Variants in EYS observed in about 807,000 individuals in gnomAD.
EYS encodes the protein EGF-like photoreceptor maintenance factor.
Under a neutral mutation model 282.1 loss-of-function variants are expected in EYS, and 250 were observed. The ratio of observed to expected loss-of-function variants is 0.89; its 90% CI spans 0.80 to 0.98. The LOEUF (loss-of-function observed/expected upper bound fraction) is 0.98. Ranked by LOEUF, EYS falls within the 50% of genes least tolerant of loss-of-function variation. The pLI, the probability that EYS is intolerant of heterozygous loss-of-function variation, is 0.00. For missense variants in EYS, 4,016 were observed against 3,709.0 expected, an observed-to-expected ratio of 1.08 and a Z score of -2.15; for synonymous variants, 1,355 against 1,282.9, an observed-to-expected ratio of 1.06 and a Z score of -1.20.
intron 9 of EYS, among the ~76,000 whole-genome samples, chr6:65,350,560 G>A (rs1182726316): frequency 6.6e-6 from 1 of 151,594 alleles, no homozygotes; most frequent in Non-Finnish European, 1.5e-5. Flanking sequence ...CATGCTTCAA[G>A]AAGAAAGAGA....
At chr6:63,759,976 T>C (rs1234275287) in intron 41 of EYS, among the ~76,000 whole-genome samples, 1 of 152,054 alleles carries the variant, frequency 6.6e-6, no homozygotes, top group Non-Finnish European at 1.5e-5. Flanking sequence ...GAAAAATGTT[T>C]AAGTAGTTTG....
At chr6:63,786,221 A>G (rs1770356854) in intron 39 of EYS, 1 of 151,560 alleles carries the variant, frequency 6.6e-6, no homozygotes, top group Admixed American at 6.6e-5. Context: ...AAAAAAAAAA[A>G]AAGGTAAAGT....
intron 30 of EYS, among the ~76,000 whole-genome samples, chr6:64,244,828 T>A (rs1480889365): frequency 6.6e-6 from 1 of 152,244 alleles, no homozygotes; most frequent in Non-Finnish European, 1.5e-5. Flanking sequence ...TTATTTTCTA[T>A]CTTTTTTTAA....
chr6:64,444,170 C>G (rs139759885), intron 26 of EYS, among the ~76,000 whole-genome samples: 67 of 152,222 alleles, frequency 4.4e-4, no homozygotes, highest in African/African-American at 1.6e-3. Context: ...TGATTTGCCT[C>G]TTTCTGACTT....
chr6:65,691,955 A>G (rs1562331620), intron 1 of EYS, among the ~76,000 whole-genome samples: 1 of 150,280 alleles, frequency 6.7e-6, no homozygotes, highest in Non-Finnish European at 1.5e-5. Context: ...TTTTGGCACC[A>G]GTACAAGTTA....
At position 63,847,139 on chromosome 6, in the gene EYS, T is replaced by G. The variant is rs1201452259; in HGVS notation, c.7228+17047A>C. Among the ~76,000 whole-genome samples the G allele has an allele frequency of 2.6e-5, 4 of 152,174 alleles. No homozygotes were observed. In the East Asian group the frequency reaches 7.7e-4, roughly 29 times the overall value. On this transcript the variant is annotated intron_variant, in intron 36 of 42. Coordinates refer to ENST00000503581, the MANE Select transcript of EYS (RefSeq NM_001142800.2). ...TGAAGTTCATGTTCAGATTCAGATT[T>G]TACAATATCACCATTACAGCAAAAT...
intron 5 of EYS, among the ~76,000 whole-genome samples, chr6:65,420,434 C>T (rs895673527): frequency 1.4e-5 from 2 of 146,986 alleles, no homozygotes; most frequent in Non-Finnish European, 2.9e-5. Flanking sequence ...TCTTTAGGCT[C>T]CACTTTTCAT....
intron 11 of EYS, chr6:65,329,468 G>A: frequency 1.0e-6 from 1 of 965,536 alleles, no homozygotes; most frequent in Non-Finnish European, 1.2e-6. Flanking sequence ...GTGTATGTAA[G>A]TGCCTTAGAC....
intron 12 of EYS, among the ~76,000 whole-genome samples, chr6:65,114,249 C>A (rs559235601): frequency 1.1e-3 from 172 of 150,716 alleles, no homozygotes; most frequent in African/African-American, 3.8e-3. Context: ...CAAAGAAATG[C>A]CAAATATATG....
chr6:64,551,246 G>A (rs982990737), intron 26 of EYS, among the ~76,000 whole-genome samples: 1 of 149,090 alleles, frequency 6.7e-6, no homozygotes, highest in African/African-American at 2.5e-5. Flanking sequence ...TTCCTAATAA[G>A]TTTATTTAAA....
rs192778886 is a variant in EYS at position 65,485,370 on chromosome 6, G to A, written c.862+5224C>T. ...TCTTACATATCACTCTGTGAAGCACGTCTTTTCATTTAGATCAAATGACTG... is the reference window on the plus strand; with the variant it reads ...TCTTACATATCACTCTGTGAAGCACATCTTTTCATTTAGATCAAATGACTG... On this transcript the variant is annotated intron_variant, in intron 5 of 42. Coordinates refer to ENST00000503581, the MANE Select transcript of EYS (RefSeq NM_001142800.2). 8.9e-4 allele frequency among the ~76,000 whole-genome samples: 135 copies of A among 152,292 alleles called. 1 individual carries two copies. The highest frequency in any genetic ancestry group is 1.6e-3 in the Non-Finnish European group (112 of 68,020).
intron 12 of EYS, among the ~76,000 whole-genome samples, chr6:65,210,329 G>C (rs1175550809): frequency 6.6e-6 from 1 of 151,942 alleles, no homozygotes; most frequent in East Asian, 1.9e-4. Context: ...TTTCCCATTG[G>C]AATCCTATTT....
chr6:65,301,026 A>G (rs1768806287), intron 11 of EYS: 1 of 152,110 alleles, frequency 6.6e-6, no homozygotes, highest in Admixed American at 6.6e-5. Flanking sequence ...CAGCTTTACC[A>G]TGGTCCCACC....
chr6:65,517,532 C>G (rs1309391647), intron 2 of EYS, among the ~76,000 whole-genome samples: 1 of 151,968 alleles, frequency 6.6e-6, no homozygotes, highest in Non-Finnish European at 1.5e-5. Context: ...GGTAAACAAA[C>G]TATTTTAAAA....
At chr6:64,923,603 T>A (rs964569670) in intron 15 of EYS, among the ~76,000 whole-genome samples, 2 of 152,166 alleles carry the variant, frequency 1.3e-5, no homozygotes, top group Admixed American at 6.5e-5. Flanking sequence ...CTTCCACCTA[T>A]GTGTCTGTAA....
intron 30 of EYS, among the ~76,000 whole-genome samples, chr6:64,272,898 C>T (rs6454758): frequency 0.69 from 104,007 of 151,634 alleles, 35,681 homozygotes; most frequent in South Asian, 0.71. Flanking sequence ...TTTTCTAAAA[C>T]TTTGGTATTA....
chr6:64,031,766 G>C (rs1298118803), intron 33 of EYS, among the ~76,000 whole-genome samples: 1 of 152,170 alleles, frequency 6.6e-6, no homozygotes, highest in Non-Finnish European at 1.5e-5. Context: ...AGCTAATCTG[G>C]TGGGGACGTG....
intron 2 of EYS, among the ~76,000 whole-genome samples, chr6:65,622,674 A>G (rs982506122): frequency 6.6e-6 from 1 of 152,068 alleles, no homozygotes; most frequent in Non-Finnish European, 1.5e-5. Context: ...TATCATTGTT[A>G]AGATTGTTGC....
chr6:63,784,256 A>G (rs1770309771), intron 39 of EYS, among the ~76,000 whole-genome samples: 1 of 152,066 alleles, frequency 6.6e-6, no homozygotes, highest in South Asian at 2.1e-4. Context: ...CCAATTCCTT[A>G]TTAAAAATCT....
Sources: gnomAD v4.1 joint callset for allele counts (sites outside exome capture counted in the v4.1 genomes callset) on GRCh38, gnomAD v4.1.1 for gene constraint, MANE v1.5 for transcripts, NCBI Gene and HGNC (gene_info 2026-07-23, HGNC 2026-07-21) for gene names.